Variants in ZNF525 observed in about 807,000 individuals in gnomAD.
ZNF525 encodes zinc finger protein 525.
Under a neutral mutation model 37.6 loss-of-function variants are expected in ZNF525, and 33 were observed. The observed-to-expected ratio is 0.88, with a 90% CI of 0.67 to 1.17. ZNF525 has a LOEUF of 1.17. ZNF525 is among the 50% of genes most tolerant of loss of function. The pLI, the probability that ZNF525 is intolerant of heterozygous loss-of-function variation, is 0.00. For missense variants in ZNF525, 449 were observed against 543.1 expected, an observed-to-expected ratio of 0.83 and a Z score of 1.72; for synonymous variants, 170 against 182.3, an observed-to-expected ratio of 0.93 and a Z score of 0.54.
intron 2 of ZNF525, among the ~76,000 whole-genome samples, chr19:53,374,451 C>T (rs4801980): frequency 0.39 from 59,560 of 152,086 alleles, 14,190 homozygotes; most frequent in Admixed American, 0.53. Flanking sequence ...TGCCTCTGCA[C>T]GTGCCTGCAT....
At chr19:53,369,990 C>A (rs541087180) in intron 1 of ZNF525, among the ~76,000 whole-genome samples, 28 of 150,468 alleles carry the variant, frequency 1.9e-4, no homozygotes, top group African/African-American at 4.6e-4. Context: ...TCCCAAAGTG[C>A]TGGGATTACA....
At position 53,371,649 on chromosome 19, in the gene ZNF525, G is replaced by A. The variant is rs148927234; in HGVS notation, c.-67-566G>A. On this transcript the variant is annotated intron_variant, in intron 1 of 3. Coordinates refer to ENST00000474037, the MANE Select transcript of ZNF525 (RefSeq NM_001348156.2). The stretch of plus-strand genomic sequence containing the variant: ...CTTCCAGAGTGCTAGTATTACAGGC[G>A]TGAGCCACTGTGACTGGCTCAATTT... Among the ~76,000 whole-genome samples, 586 of 152,218 alleles carry A rather than the reference G, an allele frequency of 3.8e-3. 3 individuals are homozygous for A. The highest frequency in any genetic ancestry group is 0.013 in the African/African-American group (546 of 41,538).
intron 2 of ZNF525, among the ~76,000 whole-genome samples, chr19:53,373,403 A>G (rs191137076): frequency 3.3e-5 from 5 of 152,258 alleles, no homozygotes; most frequent in Admixed American, 2.0e-4. Context: ...CCCATCAATT[A>G]TTATTAAATA....
At chr19:53,379,731 G>A (rs1008734808) in intron 3 of ZNF525, among the ~76,000 whole-genome samples, 3 of 152,244 alleles carry the variant, frequency 2.0e-5, no homozygotes, top group Non-Finnish European at 4.4e-5. Flanking sequence ...AGCGGGTGCT[G>A]TGGCTCACGC....
chr19:53,384,766 G>T lies in ZNF525; in HGVS notation c.*2747G>T. ...AATTTTACTTCTTTCTTTCTGATTTGGATGAGTTTGATTTCTTTTGCTATT... is the reference window on the plus strand; with the variant it reads ...AATTTTACTTCTTTCTTTCTGATTTTGATGAGTTTGATTTCTTTTGCTATT... On this transcript the variant is annotated 3_prime_UTR_variant, in exon 4 of 4. Transcript: ENST00000474037. 2.0e-6 allele frequency: 1 copy of T among 500,256 alleles called. No individual in the cohort carries two copies. Among genetic ancestry groups the T allele is most frequent in the Non-Finnish European group, 3.5e-6 (1 of 282,734 alleles). 31.0% of individuals were successfully genotyped at this position (500,256 alleles called of 1,614,324 possible).
chr19:53,381,952 G>T lies in ZNF525; in HGVS notation c.1373G>T (p.Cys458Phe), dbSNP rs2147074581. 1 of 990,108 alleles carries T rather than the reference G, an allele frequency of 1.0e-6. No individual in the cohort carries two copies. Among genetic ancestry groups the T allele is most frequent in the East Asian group, 2.4e-5 (1 of 41,978 alleles). The allele number at this position is 990,108 out of a possible 1,614,324, so 61.3% of individuals were successfully genotyped here. Residue 458 changes from cysteine to phenylalanine, a missense_variant, in exon 4 of 4, where the codon TGT becomes TTT. Cys to Phe is a radical substitution (Grantham distance 205). Around this residue, in one of 2 missense-constraint regions of ZNF525, gnomAD observed 178 missense variants for 161.5 expected, o/e 1.10. Coordinates refer to ENST00000474037, the MANE Select transcript of ZNF525 (RefSeq NM_001348156.2). ...FSQELSLTCH[C>F]RLHSGEKPCK... Reference sequence around the variant, plus strand: ...CAGGAGTTATCCCTTACCTGCCATTGTAGACTTCATAGTGGAGAGAAACCT... The same window carrying T: ...CAGGAGTTATCCCTTACCTGCCATTTTAGACTTCATAGTGGAGAGAAACCT...
At chr19:53,374,375 A>C (rs182862650) in intron 2 of ZNF525, among the ~76,000 whole-genome samples, 6 of 152,318 alleles carry the variant, frequency 3.9e-5, no homozygotes, top group Admixed American at 3.9e-4. Context: ...CTGCGTTGGA[A>C]ATTAGCTGAA....
At position 53,381,584 on chromosome 19, in the gene ZNF525, CT is replaced by C. The variant is rs1210705903; in HGVS notation, c.1008del (p.Phe336LeufsTer40). The part of the protein sequence containing the change: ...PHKCNECGKT[F>X]SQKSYLACHR... ...ATAAGTGTAATGAGTGTGGCAAGAC[CT>C]TTAGTCAGAAGTCATACCTTGCATG... On this transcript the variant is annotated frameshift_variant, in exon 4 of 4. Transcript: ENST00000474037. LOFTEE classifies it high-confidence loss of function. The C allele has an allele frequency of 2.6e-6, 3 of 1,146,366 alleles. No homozygotes were observed. In the African/African-American group the frequency reaches 4.5e-5, roughly 17 times the overall value. 71.0% of individuals were successfully genotyped at this position (1,146,366 alleles called of 1,614,324 possible). A position where few individuals can be genotyped will look rare whatever the true frequency, so the allele number is the denominator to read the frequency against.
At chr19:53,370,729 C>T (rs1380683810) in intron 1 of ZNF525, among the ~76,000 whole-genome samples, 1 of 152,184 alleles carries the variant, frequency 6.6e-6, no homozygotes, top group Non-Finnish European at 1.5e-5. Flanking sequence ...AACAGAGTTG[C>T]AGACTCAGAC....
At chr19:53,368,512 G>C (rs1317451246) in intron 1 of ZNF525, among the ~76,000 whole-genome samples, 3 of 152,162 alleles carry the variant, frequency 2.0e-5, no homozygotes, top group Non-Finnish European at 4.4e-5. Context: ...AAATTATCTT[G>C]TGGCATTAAC....
At chr19:53,380,577 A>T (rs2085552085) in intron 3 of ZNF525, 145 bp from the exon 4 acceptor site, 2 of 540,168 alleles carry the variant, frequency 3.7e-6, no homozygotes, top group Non-Finnish European at 6.4e-6. Flanking sequence ...ATAAGCTTTC[A>T]TAATAATAAT....
chr19:53,368,881 T>C (rs1179739962), intron 1 of ZNF525, among the ~76,000 whole-genome samples: 1 of 152,144 alleles, frequency 6.6e-6, no homozygotes, highest in Non-Finnish European at 1.5e-5. Flanking sequence ...TTTACCGGCA[T>C]TTTGGTAAGC....
intron 3 of ZNF525, chr19:53,376,242 C>G (rs770171888): frequency 4.1e-5 from 29 of 705,886 alleles, no homozygotes; most frequent in South Asian, 3.8e-4. Flanking sequence ...CCGTACCTAA[C>G]TATTGGCTTT....
rs57431960 is a variant in ZNF525 at position 53,369,715 on chromosome 19, CTTTTTTTTTTTTT to C, written c.-67-2483_-67-2471del. Among the ~76,000 whole-genome samples, 124 of 81,198 alleles carry C rather than the reference CTTTTTTTTTTTTT, an allele frequency of 1.5e-3. 2 individuals are homozygous for C. The highest frequency in any genetic ancestry group is 2.4e-3 in the African/African-American group (38 of 15,742). 53.3% of individuals were successfully genotyped at this position (81,198 alleles called of 152,430 possible). A position where few individuals can be genotyped will look rare whatever the true frequency, so the allele number is the denominator to read the frequency against. On this transcript the variant is annotated intron_variant, in intron 1 of 3. Transcript: ENST00000474037. Reference sequence around the variant, plus strand: ...CAACAGAACCTTGCAAAAGAAGTTTCTTTTTTTTTTTTTTTTTTTTTTTTTTTTTGAGACGGAG... The same window carrying C: ...CAACAGAACCTTGCAAAAGAAGTTTCTTTTTTTTTTTTTTTTGAGACGGAG...
At chr19:53,376,038 C>T (rs1489436719) in intron 3 of ZNF525, 142 bp downstream of exon 3, 6 of 1,539,228 alleles carry the variant, frequency 3.9e-6, no homozygotes, top group Non-Finnish European at 5.3e-6. Flanking sequence ...ATCTTGAATT[C>T]CTGGGCTCAA....
chr19:53,369,715 CTTTTTTTTTT>C lies in ZNF525; in HGVS notation c.-67-2480_-67-2471del, dbSNP rs57431960. Among the ~76,000 whole-genome samples, 123 of 81,192 alleles carry C rather than the reference CTTTTTTTTTT, an allele frequency of 1.5e-3. 3 individuals carry two copies. Among genetic ancestry groups the C allele is most frequent in the African/African-American group, 7.1e-3 (111 of 15,742 alleles). 53.3% of individuals were successfully genotyped at this position (81,192 alleles called of 152,430 possible). ...CAACAGAACCTTGCAAAAGAAGTTT[CTTTTTTTTTT>C]TTTTTTTTTTTTTTTTTTTGAGACG... On this transcript the variant is annotated intron_variant, in intron 1 of 3. Transcript: ENST00000474037.
intron 2 of ZNF525, 30 bp from the exon 3 acceptor site, chr19:53,375,740 C>G: frequency 6.2e-7 from 1 of 1,613,682 alleles, no homozygotes; most frequent in South Asian, 1.1e-5. Flanking sequence ...CCTCCCATAA[C>G]CATTTGGTTA....
At chr19:53,371,040 T>C (rs182629564) in intron 1 of ZNF525, among the ~76,000 whole-genome samples, 129 of 152,224 alleles carry the variant, frequency 8.5e-4, no homozygotes, top group Non-Finnish European at 1.4e-3. Context: ...TTAACCTATG[T>C]CCCTAAATGA....
At chr19:53,367,778 A>G (rs989744944) in intron 1 of ZNF525, among the ~76,000 whole-genome samples, 17 of 152,036 alleles carry the variant, frequency 1.1e-4, no homozygotes, top group African/African-American at 3.9e-4. Context: ...CCTCCTTCCT[A>G]GGCTAGGAGG....
Sources: gnomAD v4.1 joint callset for allele counts (sites outside exome capture counted in the v4.1 genomes callset) on GRCh38, gnomAD v4.1.1 for gene constraint, gnomAD v4.1.1 regional missense constraint, MANE v1.5 for transcripts, NCBI Gene and HGNC (gene_info 2026-07-23, HGNC 2026-07-21) for gene names.